The following ALPL variants were observed in gnomAD, a reference collection of about 807,000 sequenced individuals.
The protein encoded by ALPL is alkaline phosphatase, biomineralization associated.
In ALPL, 42 loss-of-function variants were observed where a neutral mutation model predicts 51.3. The observed-to-expected ratio is 0.82, with a 90% CI of 0.64 to 1.06. The LOEUF (loss-of-function observed/expected upper bound fraction) is 1.06, where lower values mean the gene tolerates loss of function less well. Ranked by LOEUF, ALPL falls within the 50% of genes least tolerant of loss-of-function variation. The probability of loss-of-function intolerance (pLI) is 0.00; values close to 1 mark genes in which losing one functional copy is unlikely to be tolerated. For missense variants in ALPL, 589 were observed against 709.4 expected, an observed-to-expected ratio of 0.83 and a Z score of 1.93; for synonymous variants, 279 against 296.4, an observed-to-expected ratio of 0.94 and a Z score of 0.60.
intron 1 of ALPL, among the ~76,000 whole-genome samples, chr1:21,544,607 A>G (rs577109164): frequency 1.3e-3 from 200 of 152,302 alleles, no homozygotes; most frequent in Admixed American, 2.0e-3. Flanking sequence ...TCAGCTGGGC[A>G]TGGTGGCATG....
intron 9 of ALPL, 169 bp downstream of exon 9, chr1:21,573,968 C>T (rs542127274): frequency 5.1e-6 from 5 of 985,296 alleles, no homozygotes; most frequent in Admixed American, 1.2e-4. Flanking sequence ...ACACTCCCAG[C>T]CCAGCAAGCT....
chr1:21,568,075 GC>G lies in ALPL; in HGVS notation c.649-28del, dbSNP rs768679570. 2.0e-5 allele frequency: 33 copies of G among 1,613,852 alleles called. No homozygotes were observed. The Admixed American group carries it at 5.5e-4, about 27-fold the overall frequency. On this transcript the variant is annotated intron_variant, in intron 6 of 11. Transcript: ENST00000374840. ...GGGCTTCTGGGCATCTTGGAACCCTGCAGAAGTGATGGCTCCTGTCTCTTTT... is the reference window on the plus strand; with the variant it reads ...GGGCTTCTGGGCATCTTGGAACCCTGAGAAGTGATGGCTCCTGTCTCTTTT...
At chr1:21,562,727 C>A (rs1314677727) in intron 4 of ALPL, among the ~76,000 whole-genome samples, 1 of 151,836 alleles carries the variant, frequency 6.6e-6, no homozygotes, top group Non-Finnish European at 1.5e-5. Flanking sequence ...CCAGACCCCC[C>A]ACTCCTTCAA....
intron 1 of ALPL, among the ~76,000 whole-genome samples, chr1:21,514,167 A>T (rs72874242): frequency 3.3e-5 from 5 of 152,298 alleles, no homozygotes; most frequent in African/African-American, 1.2e-4. Context: ...GGTGGTCCTC[A>T]GGAAGAGTCT....
Position 21,564,955 on chromosome 1 carries a change from ACT to A in ALPL, c.648+744_648+745del, listed in dbSNP as rs1310427210. Among the ~76,000 whole-genome samples the A allele has an allele frequency of 2.6e-5, 4 of 151,946 alleles. No homozygotes were observed. Among genetic ancestry groups the A allele is most frequent in the African/African-American group, 9.7e-5 (4 of 41,336 alleles). On this transcript the variant is annotated intron_variant, in intron 6 of 11. Transcript: ENST00000374840. The surrounding 1 kb of genome is among the most constrained non-coding windows in gnomAD (Gnocchi z 5.8). Reference sequence around the variant, plus strand: ...GACAGAAGTCATCCATGTGACGCTTACTCTCTGTTCTTAAGTGAGAATGCCCG... The same window carrying A: ...GACAGAAGTCATCCATGTGACGCTTACTCTGTTCTTAAGTGAGAATGCCCG...
intron 1 of ALPL, among the ~76,000 whole-genome samples, chr1:21,540,898 C>G (rs1347475655): frequency 6.6e-6 from 1 of 152,144 alleles, no homozygotes; most frequent in Non-Finnish European, 1.5e-5. Context: ...TCCTTTCTTC[C>G]CAAGTGAGTG....
At chr1:21,567,233 GC>G (rs1166651753) in intron 6 of ALPL, among the ~76,000 whole-genome samples, 1 of 152,230 alleles carries the variant, frequency 6.6e-6, no homozygotes, top group Non-Finnish European at 1.5e-5. Flanking sequence ...AGGGGCAGTG[GC>G]CCGGGCTGGC....
chr1:21,559,334 G>A (rs955472254), intron 2 of ALPL, among the ~76,000 whole-genome samples: 1 of 152,198 alleles, frequency 6.6e-6, no homozygotes, highest in Admixed American at 6.5e-5. Flanking sequence ...TCCAGCCCTG[G>A]AGACGGGATA....
At chr1:21,525,152 C>G (rs1167169147) in intron 1 of ALPL, among the ~76,000 whole-genome samples, 1 of 152,232 alleles carries the variant, frequency 6.6e-6, no homozygotes, top group African/African-American at 2.4e-5. Context: ...GCCCCACTTC[C>G]CCCTCTTGGA....
Position 21,573,808 on chromosome 1 carries a change from C to T in ALPL, c.997+9C>T, listed in dbSNP as rs2148184944. ...CTTCTTGCTGGTGGAAGGTAGGGACCCCGGGTCTGCTGAGAGGGGGCTGCT... is the reference window on the plus strand; with the variant it reads ...CTTCTTGCTGGTGGAAGGTAGGGACTCCGGGTCTGCTGAGAGGGGGCTGCT... On this transcript the variant is annotated intron_variant, in intron 9 of 11. Coordinates refer to ENST00000374840, the MANE Select transcript of ALPL (RefSeq NM_000478.6). The T allele has an allele frequency of 6.2e-7, 1 of 1,614,108 alleles. No individual in the cohort carries two copies. Among genetic ancestry groups the T allele is most frequent in the Non-Finnish European group, 8.5e-7 (1 of 1,180,016 alleles).
chr1:21,527,232 G>T (rs1015104999), intron 1 of ALPL, among the ~76,000 whole-genome samples: 1 of 151,674 alleles, frequency 6.6e-6, no homozygotes, highest in Non-Finnish European at 1.5e-5. Context: ...GGGTTTCTCC[G>T]TGTTGGTCAG....
chr1:21,570,219 A>T lies in ALPL; in HGVS notation c.793-86A>T, dbSNP rs1043960719. On this transcript the variant is annotated intron_variant, in intron 7 of 11. Coordinates refer to ENST00000374840, the MANE Select transcript of ALPL (RefSeq NM_000478.6). The stretch of plus-strand genomic sequence containing the variant: ...TTAAGTGAGGGAAGGAAACAAGTAA[A>T]GGCCTCAGACTCTGATAGCTGCTGG... The T allele has an allele frequency of 3.0e-6, 4 of 1,344,638 alleles. No homozygotes were observed. The African/African-American group carries it at 4.3e-5, about 14-fold the overall frequency. 83.3% of individuals were successfully genotyped at this position (1,344,638 alleles called of 1,614,324 possible). A position where few individuals can be genotyped will look rare whatever the true frequency, so the allele number is the denominator to read the frequency against.
chr1:21,513,244 G>A lies in ALPL; in HGVS notation c.-105+3727G>A, dbSNP rs1277444864. Among the ~76,000 whole-genome samples the A allele has an allele frequency of 5.9e-5, 9 of 152,092 alleles. No individual in the cohort carries two copies. The East Asian group carries it at 1.7e-3, about 29-fold the overall frequency. On this transcript the variant is annotated intron_variant, in intron 1 of 11. Coordinates refer to ENST00000374840, the MANE Select transcript of ALPL (RefSeq NM_000478.6). ...AGAGAGGAGAAGAGGCTTGCCCAGGGTCACACAATTGCTTAGGGCAGAGTG... is the reference window on the plus strand; with the variant it reads ...AGAGAGGAGAAGAGGCTTGCCCAGGATCACACAATTGCTTAGGGCAGAGTG...
intron 1 of ALPL, 50 bp from the exon 2 acceptor site, chr1:21,553,928 C>G: frequency 1.4e-6 from 1 of 709,202 alleles, no homozygotes; most frequent in Non-Finnish European, 2.6e-6. Context: ...GAAAAAGGAT[C>G]TCTAGAGCTG....
At chr1:21,557,716 G>A (rs559422723) in intron 2 of ALPL, among the ~76,000 whole-genome samples, 6 of 152,328 alleles carry the variant, frequency 3.9e-5, no homozygotes, top group Non-Finnish European at 5.9e-5. Context: ...ATTACAGGAT[G>A]AGCCACTTCT....
intron 1 of ALPL, among the ~76,000 whole-genome samples, chr1:21,513,579 A>G (rs1270958231): frequency 6.6e-6 from 1 of 152,056 alleles, no homozygotes; most frequent in African/African-American, 2.4e-5. Flanking sequence ...CTTCCCTAAG[A>G]CTTGGAATGG....
rs780790767 is a variant in ALPL, at chr1:21,564,185, A to G, written c.617A>G (p.Tyr206Cys). 6.2e-7 allele frequency: 1 copy of G among 1,613,870 alleles called. No individual in the cohort carries two copies. Among genetic ancestry groups the G allele is most frequent in the African/African-American group, 1.3e-5 (1 of 74,918 alleles). Residue 206 changes from tyrosine (Y) to cysteine (C), a missense_variant, in exon 6 of 12, where the codon TAC becomes TGC. Physicochemically the swap from Tyr to Cys is radical, Grantham distance 194. Coordinates refer to ENST00000374840, the MANE Select transcript of ALPL (RefSeq NM_000478.6). This position sits in a 1 kb window ranked among gnomAD's most constrained non-coding sequence, Gnocchi z 5.8. ...AGCCAGGGCTGTAAGGACATCGCCTACCAGCTCATGCATAACATCAGGGAC... is the reference window on the plus strand; with the variant it reads ...AGCCAGGGCTGTAAGGACATCGCCTGCCAGCTCATGCATAACATCAGGGAC... The part of the protein sequence containing the change: ...ALSQGCKDIA[Y>C]QLMHNIRDID...
chr1:21,554,027 C>G lies in ALPL; in HGVS notation c.-55C>G. ...ACCACTGCCAGCCCACCCCCTCCCACCCACGTCGATTGCATCTCTGGGCTC... is the reference window on the plus strand; with the variant it reads ...ACCACTGCCAGCCCACCCCCTCCCAGCCACGTCGATTGCATCTCTGGGCTC... On this transcript the variant is annotated 5_prime_UTR_variant, in exon 2 of 12. Coordinates refer to ENST00000374840, the MANE Select transcript of ALPL (RefSeq NM_000478.6). 2 of 1,306,642 alleles carry G rather than the reference C, an allele frequency of 1.5e-6. No homozygotes were observed. Among genetic ancestry groups the G allele is most frequent in the South Asian group, 1.2e-5 (1 of 85,014 alleles). The allele number at this position is 1,306,642 out of a possible 1,614,324, so 80.9% of individuals were successfully genotyped here.
At chr1:21,577,265 CT>C in intron 11 of ALPL, 117 bp from the exon 12 acceptor site, 1 of 1,534,934 alleles carries the variant, frequency 6.5e-7, no homozygotes. Context: ...ATTGAGCCTC[CT>C]TTTCCTCTTC....
Sources: allele counts gnomAD v4.1 joint callset (sites outside exome capture counted in the v4.1 genomes callset), GRCh38; gene constraint gnomAD v4.1.1; non-coding constraint Gnocchi (gnomAD v3.1); transcripts MANE v1.5; gene names NCBI Gene and HGNC (gene_info 2026-07-23, HGNC 2026-07-21).